Variants in DDX19B observed in about 807,000 individuals in gnomAD.
The protein encoded by DDX19B is DEAD-box helicase 19B, also known as ATP-dependent RNA helicase DDX19B.
In DDX19B, 27 loss-of-function variants were observed where a neutral mutation model predicts 58.1. The ratio of observed to expected loss-of-function variants is 0.46; its 90% CI spans 0.34 to 0.64. The LOEUF (loss-of-function observed/expected upper bound fraction) is 0.64, where lower values mean the gene tolerates loss of function less well. Ranked by LOEUF, DDX19B falls within the 30% of genes least tolerant of loss-of-function variation. The pLI, the probability that DDX19B is intolerant of heterozygous loss-of-function variation, is 0.01. For missense variants in DDX19B, 399 were observed against 596.5 expected, an observed-to-expected ratio of 0.67 and a Z score of 3.45; for synonymous variants, 187 against 214.4, an observed-to-expected ratio of 0.87 and a Z score of 1.12.
intron 10 of DDX19B, 33 bp from the exon 11 acceptor site, chr16:70,332,935 A>C (rs1963553671): frequency 1.9e-6 from 3 of 1,614,034 alleles, no homozygotes; most frequent in Non-Finnish European, 2.5e-6. Flanking sequence ...TCCTGTCCTT[A>C]GTCCTCTCAG....
chr16:70,313,631 C>G (rs899420983), intron 2 of DDX19B, among the ~76,000 whole-genome samples: 2 of 152,106 alleles, frequency 1.3e-5, no homozygotes, highest in Non-Finnish European at 2.9e-5. Flanking sequence ...AGCAATCTGA[C>G]AGTTTACCTA....
chr16:70,316,272 C>T (rs529424991), intron 4 of DDX19B, 168 bp downstream of exon 4: 63 of 905,456 alleles, frequency 7.0e-5, no homozygotes, highest in East Asian at 6.2e-4. Flanking sequence ...TGCAGTAGCG[C>T]GATCTCGGCT....
At chr16:70,323,485 G>A (rs990793560) in intron 5 of DDX19B, among the ~76,000 whole-genome samples, 5 of 149,688 alleles carry the variant, frequency 3.3e-5, no homozygotes, top group East Asian at 2.0e-4. Flanking sequence ...GTACAGTGGC[G>A]CGATCTCGGC....
At position 70,324,710 on chromosome 16, in the gene DDX19B, T is replaced by C; in HGVS notation, c.492+23T>C. The C allele has an allele frequency of 1.9e-6, 3 of 1,594,856 alleles. 1 individual carries two copies. The East Asian group carries it at 6.7e-5, about 36-fold the overall frequency. On this transcript the variant is annotated intron_variant, in intron 6 of 11. Transcript: ENST00000288071. ...CAGGTAAGGATTTATGAATTTAGGT[T>C]TTCTACTAATGCATAGATAGAAGGG...
At chr16:70,289,942 C>T (rs1961014728), upstream of DDX19B, 12 of 341,362 alleles carry the variant, frequency 3.5e-5, no homozygotes, top group South Asian at 2.6e-4. Flanking sequence ...TGACATTGTG[C>T]CCATGGTTAC....
intron 5 of DDX19B, among the ~76,000 whole-genome samples, chr16:70,320,266 G>A (rs1292287646): frequency 6.6e-6 from 1 of 151,774 alleles, no homozygotes; most frequent in Admixed American, 6.6e-5. Context: ...GTGCTGCCAT[G>A]CCTGGCTAAG....
intron 10 of DDX19B, among the ~76,000 whole-genome samples, chr16:70,332,247 T>C (rs545752778): frequency 6.6e-6 from 1 of 152,236 alleles, no homozygotes; most frequent in East Asian, 1.9e-4. Flanking sequence ...TTCTGCTGTA[T>C]GCCTGTATGT....
chr16:70,328,449 G>A (rs1442503660), intron 7 of DDX19B, among the ~76,000 whole-genome samples: 10 of 139,480 alleles, frequency 7.2e-5, no homozygotes, highest in Admixed American at 6.3e-4. Flanking sequence ...TGCAACCTCC[G>A]CCTCCTGGGT....
chr16:70,315,624 GT>G (rs535347955), intron 3 of DDX19B: 15,411 of 163,022 alleles, frequency 0.095, 1,447 homozygotes, highest in African/African-American at 0.26. Context: ...GTTAATTCCT[GT>G]TTTTTTTTTT....
chr16:70,321,981 G>A (rs1439692537), intron 5 of DDX19B, among the ~76,000 whole-genome samples: 1 of 151,190 alleles, frequency 6.6e-6, no homozygotes, highest in Non-Finnish European at 1.5e-5. Flanking sequence ...GTTGCAGTGA[G>A]CTGAGATCGC....
At chr16:70,300,438 G>A (rs1162728173) in intron 1 of DDX19B, among the ~76,000 whole-genome samples, 3 of 152,070 alleles carry the variant, frequency 2.0e-5, no homozygotes, top group South Asian at 2.1e-4. Context: ...GAACTCCAGC[G>A]TGCAAGTGAT....
At chr16:70,298,051 G>T (rs1391373797), upstream of DDX19B, among the ~76,000 whole-genome samples, 3 of 152,046 alleles carry the variant, frequency 2.0e-5, no homozygotes, top group African/African-American at 7.2e-5. Flanking sequence ...GAGGTGGGAG[G>T]ATCACTTGAG....
intron 5 of DDX19B, among the ~76,000 whole-genome samples, chr16:70,322,611 A>G (rs1331683201): frequency 6.7e-6 from 1 of 149,482 alleles, no homozygotes; most frequent in Admixed American, 6.7e-5. Flanking sequence ...AAAAAAAAAA[A>G]GGCCGGGCGT....
intron 5 of DDX19B, among the ~76,000 whole-genome samples, chr16:70,321,821 G>A (rs1219305013): frequency 6.8e-6 from 1 of 146,792 alleles, no homozygotes; most frequent in Non-Finnish European, 1.5e-5. Context: ...ATCATTTGAG[G>A]TCAGGAGTTC....
At chr16:70,294,692 T>C, upstream of DDX19B, 1 of 502,618 alleles carries the variant, frequency 2.0e-6, no homozygotes, top group Non-Finnish European at 3.4e-6. Flanking sequence ...CGCTTGTCTT[T>C]GGCCCCCAGA....
At chr16:70,312,547 A>T (rs1962145075) in intron 1 of DDX19B, 62 bp from the exon 2 acceptor site, 3 of 1,476,048 alleles carry the variant, frequency 2.0e-6, no homozygotes, top group Non-Finnish European at 2.8e-6. Flanking sequence ...GGCTCTGTTG[A>T]TTCCAAATCT....
Position 70,329,308 on chromosome 16 carries a change from G to A in DDX19B, c.624G>A (p.Lys208=). Residue 208 remains lysine (K), a synonymous_variant, in exon 8 of 12, where the codon AAG becomes AAA. Coordinates refer to ENST00000288071, the MANE Select transcript of DDX19B (RefSeq NM_007242.7). The part of the protein sequence containing the change: ...VRGNKLERGQ[K]ISEQIVIGTP... ...TCTCCACAGTGGAAAGAGGCCAGAA[G>A]ATCAGTGAGCAGATTGTCATTGGCA... is the stretch of plus-strand genomic sequence containing the variant. 6.2e-7 allele frequency: 1 copy of A among 1,613,254 alleles called. No individual in the cohort carries two copies. Among genetic ancestry groups the A allele is most frequent in the East Asian group, 2.2e-5 (1 of 44,842 alleles).
intron 6 of DDX19B, among the ~76,000 whole-genome samples, chr16:70,324,999 T>A (rs1368647310): frequency 6.6e-6 from 1 of 152,132 alleles, no homozygotes; most frequent in Non-Finnish European, 1.5e-5. Flanking sequence ...TGCAGTGAGC[T>A]GAGATCGCAC....
chr16:70,294,072 ATTTTTTTTTTT>A (rs35683856), upstream of DDX19B, among the ~76,000 whole-genome samples: 1 of 63,100 alleles, frequency 1.6e-5, no homozygotes, highest in Non-Finnish European at 2.7e-5. Flanking sequence ...GAGAGCCTGA[ATTTTTTTTTTT>A]TTTTTTTTTT....
Sources: allele counts gnomAD v4.1 joint callset (sites outside exome capture counted in the v4.1 genomes callset), GRCh38; gene constraint gnomAD v4.1.1; transcripts MANE v1.5; gene names NCBI Gene and HGNC (gene_info 2026-07-23, HGNC 2026-07-21).